PKD1L3: variants seen among roughly 807,000 people sequenced by gnomAD.
PKD1L3 encodes the protein polycystin 1 like 3, transient receptor potential channel interacting, also known as polycystin-1-like protein 3.
Under a neutral mutation model 184.1 loss-of-function variants are expected in PKD1L3, and 239 were observed. That is an observed-to-expected ratio of 1.30 (90% confidence interval 1.17 to 1.45). The LOEUF (loss-of-function observed/expected upper bound fraction) is 1.45, where lower values mean the gene tolerates loss of function less well. PKD1L3 is among the 40% of genes most tolerant of loss of function. PKD1L3 has a pLI of 0.00. For missense variants in PKD1L3, 2,660 were observed against 2,067.2 expected (o/e 1.29, Z -5.56); for synonymous variants, 996 against 778.8 (o/e 1.28, Z -4.64).
chr16:71,939,080 G>A (rs958699848), intron 24 of PKD1L3, among the ~76,000 whole-genome samples: 5 of 152,220 alleles, frequency 3.3e-5, no homozygotes, highest in Admixed American at 1.3e-4. Context: ...CTGGCATCTC[G>A]AAGATTCTAG....
chr16:71,987,616 T>C (rs943801351), intron 4 of PKD1L3, among the ~76,000 whole-genome samples: 1 of 150,244 alleles, frequency 6.7e-6, no homozygotes, highest in African/African-American at 2.4e-5. Context: ...CCTCAAGTGA[T>C]CCGCCACCTC....
chr16:71,934,101 T>C lies in PKD1L3; in HGVS notation c.4638A>G (p.Val1546=). 1 of 1,551,912 alleles carries C rather than the reference T, an allele frequency of 6.4e-7. No individual in the cohort carries two copies. The highest frequency in any genetic ancestry group is 8.7e-7 in the Non-Finnish European group (1 of 1,147,042). The part of the protein sequence containing the change: ...QDRFISFYEA[V]KVNSAATHLV... ...GGTGAGTCGCAGCAGAGTTCACTTT[T>C]ACTGCCTCATAGAAGCTGATGAATC... The change falls in exon 27 of 30, where the codon GTA becomes GTG. Residue 1546 remains valine (V), a synonymous_variant. Transcript: ENST00000620267.
chr16:71,959,688 A>C (rs1230839099), intron 16 of PKD1L3, among the ~76,000 whole-genome samples: 1 of 152,190 alleles, frequency 6.6e-6, no homozygotes, highest in Non-Finnish European at 1.5e-5. Context: ...TATGGAGAAA[A>C]AGTGTGTTAA....
intron 18 of PKD1L3, 106 bp from the exon 19 acceptor site, chr16:71,951,850 C>T: frequency 9.6e-7 from 1 of 1,044,996 alleles, no homozygotes; most frequent in Non-Finnish European, 1.3e-6. Context: ...AGGGGATATG[C>T]TTAGCACAAA....
chr16:71,935,066 C>T (rs2038126588), intron 26 of PKD1L3, among the ~76,000 whole-genome samples: 1 of 152,202 alleles, frequency 6.6e-6, no homozygotes, highest in Non-Finnish European at 1.5e-5. Context: ...TTTATGCCTT[C>T]GCCAGAGGGC....
At chr16:71,943,554 A>AAAC (rs1555514253) in intron 23 of PKD1L3, among the ~76,000 whole-genome samples, 2 of 151,348 alleles carry the variant, frequency 1.3e-5, no homozygotes, top group African/African-American at 2.4e-5. Context: ...AAAAAAAAAA[A>AAAC]AAAACATAAA....
Position 71,977,353 on chromosome 16 carries a change from T to TCA in PKD1L3, c.1640_1641dup (p.Ser548Ter). 3 of 1,548,786 alleles carry TCA rather than the reference T, an allele frequency of 1.9e-6. No individual in the cohort carries two copies. The highest frequency in any genetic ancestry group is 2.6e-6 in the Non-Finnish European group (3 of 1,144,368). On this transcript the variant is annotated frameshift_variant, in exon 11 of 30. Coordinates refer to ENST00000620267, the MANE Select transcript of PKD1L3 (RefSeq NM_181536.2). LOFTEE classifies it high-confidence loss of function. ...AAAAGGGGACTGTCAGGATCTATGC[T>TCA]CACTATCAAGGATTTCTCCAAGGAA...
intron 2 of PKD1L3, among the ~76,000 whole-genome samples, chr16:71,994,787 T>C (rs1203587250): frequency 1.3e-5 from 2 of 151,958 alleles, no homozygotes; most frequent in Admixed American, 1.3e-4. Flanking sequence ...TCACCTGAGG[T>C]CAGGAGTTCG....
At chr16:71,964,561 G>C (rs529279870) in intron 15 of PKD1L3, among the ~76,000 whole-genome samples, 4 of 151,478 alleles carry the variant, frequency 2.6e-5, no homozygotes, top group Middle Eastern at 3.4e-3. Context: ...GGATGGTCTC[G>C]ATCTCCTGAC....
Position 71,969,960 on chromosome 16 carries a change from C to G in PKD1L3, c.2099G>C (p.Gly700Ala), listed in dbSNP as rs941682910. The change falls in exon 13 of 30, where the codon GGG becomes GCG. Residue 700 changes from glycine to alanine, a missense_variant. Physicochemically the swap from Gly to Ala is moderately conservative, Grantham distance 60. Coordinates refer to ENST00000620267, the MANE Select transcript of PKD1L3 (RefSeq NM_181536.2). ...TAAAAGGCTGGCCAGCAGTGACACCCCAACAGGATTGTTGGTCACGCGAAG... is the reference window on the plus strand; with the variant it reads ...TAAAAGGCTGGCCAGCAGTGACACCGCAACAGGATTGTTGGTCACGCGAAG... ...LFLRVTNNPV[G>A]VSLLASLLGF... 2 of 1,551,726 alleles carry G rather than the reference C, an allele frequency of 1.3e-6. No homozygotes were observed. The highest frequency in any genetic ancestry group is 1.4e-5 in the African/African-American group (1 of 73,024).
chr16:71,935,820 C>G (rs750047803), intron 25 of PKD1L3, among the ~76,000 whole-genome samples: 1 of 152,124 alleles, frequency 6.6e-6, no homozygotes, highest in Non-Finnish European at 1.5e-5. Flanking sequence ...GACAGGGTCG[C>G]GCTCTGTTGC....
intron 15 of PKD1L3, among the ~76,000 whole-genome samples, chr16:71,965,734 A>G (rs919459288): frequency 6.6e-6 from 1 of 151,674 alleles, no homozygotes; most frequent in African/African-American, 2.4e-5. Flanking sequence ...TTGTATTTTT[A>G]GTAGAGACAG....
At chr16:71,935,195 A>G (rs2038131221) in intron 26 of PKD1L3, among the ~76,000 whole-genome samples, 163 bp downstream of exon 26, 1 of 152,008 alleles carries the variant, frequency 6.6e-6, no homozygotes, top group South Asian at 2.1e-4. Context: ...AATGGCTTCT[A>G]GTTCACTGTC....
intron 4 of PKD1L3, among the ~76,000 whole-genome samples, chr16:71,986,839 G>A (rs927068084): frequency 6.6e-6 from 1 of 151,008 alleles, no homozygotes; most frequent in Admixed American, 6.6e-5. Context: ...TATTAAATAC[G>A]TGCTATGAAG....
rs768586625 is a variant in PKD1L3 at position 71,969,909 on chromosome 16, C to G, written c.2150G>C (p.Trp717Ser). ...LLGFYVITVVWARKKDQADMQ... is the reference protein window; with the variant it reads ...LLGFYVITVVSARKKDQADMQ... ...ATCTGCTTGATCCTTTTTCCGAGCC[C>G]ACACAACTGTGATCACATAAAATCC... The change falls in exon 13 of 30, where the codon TGG (tryptophan) becomes TCG (serine). Residue 717 changes from tryptophan to serine, a missense_variant. Coordinates refer to ENST00000620267, the MANE Select transcript of PKD1L3 (RefSeq NM_181536.2). 169 of 1,551,138 alleles carry G rather than the reference C, an allele frequency of 1.1e-4. No individual in the cohort carries two copies. Among genetic ancestry groups the G allele is most frequent in the Admixed American group, 1.8e-4 (9 of 50,868 alleles).
Position 71,999,667 on chromosome 16 carries a change from G to C in PKD1L3, c.295+17C>G. 1 of 1,476,788 alleles carries C rather than the reference G, an allele frequency of 6.8e-7. No homozygotes were observed. Among genetic ancestry groups the C allele is most frequent in the Non-Finnish European group, 9.0e-7 (1 of 1,108,632 alleles). 91.5% of individuals were successfully genotyped at this position (1,476,788 alleles called of 1,614,324 possible). A position where few individuals can be genotyped will look rare whatever the true frequency, so the allele number is the denominator to read the frequency against. ...TAAGGAAGTTTCCTTCATAAACACT[G>C]AACCCCAGGGTCTTACCTGGGTATT... On this transcript the variant is annotated intron_variant, in intron 1 of 29. Coordinates refer to ENST00000620267, the MANE Select transcript of PKD1L3 (RefSeq NM_181536.2).
At chr16:71,978,497 A>T (rs2113217) in intron 9 of PKD1L3, 114 bp from the exon 10 acceptor site, 2 of 54,262 alleles carry the variant, frequency 3.7e-5, no homozygotes, top group East Asian at 4.6e-4. Flanking sequence ...GTGTGTGTGT[A>T]TATATATATA....
At chr16:71,985,298 G>A (rs1191639583) in intron 5 of PKD1L3, among the ~76,000 whole-genome samples, 2 of 152,108 alleles carry the variant, frequency 1.3e-5, no homozygotes, top group Admixed American at 6.5e-5. Flanking sequence ...CAGATCCAGA[G>A]TGAACAGGAT....
chr16:71,968,269 T>C (rs1489671472), intron 13 of PKD1L3, among the ~76,000 whole-genome samples: 1 of 152,156 alleles, frequency 6.6e-6, no homozygotes, highest in Non-Finnish European at 1.5e-5. Flanking sequence ...CTCTAAATCC[T>C]TCCACCTCCT....
Sources: gnomAD v4.1 joint callset for allele counts (sites outside exome capture counted in the v4.1 genomes callset) on GRCh38, gnomAD v4.1.1 for gene constraint, MANE v1.5 for transcripts, NCBI Gene and HGNC (gene_info 2026-07-23, HGNC 2026-07-21) for gene names.